The following ATP7B variants were observed in gnomAD, a reference collection of about 807,000 sequenced individuals.
The protein encoded by ATP7B is ATPase copper transporting beta.
Under a neutral mutation model 118.9 loss-of-function variants are expected in ATP7B, and 113 were observed. The ratio of observed to expected loss-of-function variants is 0.95; its 90% CI spans 0.82 to 1.11. ATP7B has a LOEUF of 1.11. Ranked by LOEUF, ATP7B falls within the 50% of genes most tolerant of loss-of-function variation. ATP7B has a pLI of 0.00. For missense variants in ATP7B, 1,867 were observed against 1,871.4 expected, an observed-to-expected ratio of 1.00 and a Z score of 0.04; for synonymous variants, 777 against 727.4, an observed-to-expected ratio of 1.07 and a Z score of -1.10.
At chr13:51,956,758 A>C (rs900103957) in intron 9 of ATP7B, among the ~76,000 whole-genome samples, 1 of 152,232 alleles carries the variant, frequency 6.6e-6, no homozygotes, top group African/African-American at 2.4e-5. Flanking sequence ...TATAAAAAAG[A>C]AGCTAACCCC....
intron 1 of ATP7B, among the ~76,000 whole-genome samples, chr13:52,009,486 T>C (rs556881129): frequency 2.0e-5 from 3 of 152,222 alleles, no homozygotes; most frequent in Admixed American, 1.3e-4. Flanking sequence ...AACCATAACC[T>C]GTTTTTGGCC....
In ATP7B at chr13:51,964,795, A is replaced by G. The variant is rs1958978092; in HGVS notation, c.1869+77T>C. Reference sequence around the variant, plus strand: ...GTTATTTTCATTTTTTCTTAGCTATATTTTCTCATTTTTCTTCACTGATTA... The same window carrying G: ...GTTATTTTCATTTTTTCTTAGCTATGTTTTCTCATTTTTCTTCACTGATTA... On this transcript the variant is annotated intron_variant, in intron 5 of 20. Coordinates refer to ENST00000242839, the MANE Select transcript of ATP7B (RefSeq NM_000053.4). 6 of 1,522,700 alleles carry G rather than the reference A, an allele frequency of 3.9e-6. No individual in the cohort carries two copies. In the South Asian group the frequency reaches 7.0e-5, roughly 18 times the overall value. The allele number at this position is 1,522,700 out of a possible 1,614,324, so 94.3% of individuals were successfully genotyped here.
At chr13:51,971,046 A>G (rs926992906) in intron 2 of ATP7B, among the ~76,000 whole-genome samples, 2 of 152,186 alleles carry the variant, frequency 1.3e-5, no homozygotes, top group Non-Finnish European at 2.9e-5. Flanking sequence ...ACTTCACCTT[A>G]TCTTTCATTT....
chr13:51,993,932 G>C (rs1165846225), intron 1 of ATP7B, among the ~76,000 whole-genome samples: 1 of 152,090 alleles, frequency 6.6e-6, no homozygotes, highest in Non-Finnish European at 1.5e-5. Context: ...GGCTCCCCTA[G>C]TCAGCTTCAG....
intron 5 of ATP7B, among the ~76,000 whole-genome samples, chr13:51,962,901 G>A (rs1297725005): frequency 6.6e-6 from 1 of 152,080 alleles, no homozygotes; most frequent in Non-Finnish European, 1.5e-5. Context: ...AGACCAGCCT[G>A]ACAAACATGG....
intron 12 of ATP7B, among the ~76,000 whole-genome samples, chr13:51,947,062 C>T (rs1312493238): frequency 6.6e-6 from 1 of 152,040 alleles, no homozygotes; most frequent in Non-Finnish European, 1.5e-5. Context: ...ATGGAAACAA[C>T]CAATACGGAA....
chr13:51,960,151 G>A lies in ATP7B; in HGVS notation c.2118C>T (p.Val706=). ...CTGCCCACTTTCTCATATATACCTG[G>A]ACAAAGGTACACAAGATAAAGAAGA... ...NLIFFILCTF[V]QLLGGWYFYV... Residue 706 remains valine (V), a synonymous_variant, in exon 7 of 21, where the codon GTC becomes GTT. Coordinates refer to ENST00000242839, the MANE Select transcript of ATP7B (RefSeq NM_000053.4). 1.2e-6 allele frequency: 2 copies of A among 1,613,704 alleles called. No individual in the cohort carries two copies. The highest frequency in any genetic ancestry group is 1.7e-6 in the Non-Finnish European group (2 of 1,179,612).
chr13:52,007,599 G>A (rs1469530073), intron 1 of ATP7B, among the ~76,000 whole-genome samples: 1 of 152,132 alleles, frequency 6.6e-6, no homozygotes. Context: ...GACACTAACT[G>A]GGTGCCCTAC....
chr13:51,975,697 G>T (rs752114661), intron 1 of ATP7B: 1 of 438,584 alleles, frequency 2.3e-6, no homozygotes, highest in Non-Finnish European at 4.6e-6. Context: ...CTTAGCAGAG[G>T]TTAAATGTGC....
intron 13 of ATP7B, 135 bp downstream of exon 13, chr13:51,946,149 G>C (rs989579207): frequency 8.1e-7 from 1 of 1,227,122 alleles, no homozygotes; most frequent in African/African-American, 1.5e-5. Context: ...GTTATTCCCA[G>C]TTATACTTGA....
intron 1 of ATP7B, among the ~76,000 whole-genome samples, chr13:51,983,963 C>T (rs541803335): frequency 1.1e-4 from 16 of 152,146 alleles, no homozygotes; most frequent in African/African-American, 3.1e-4. Flanking sequence ...GAGAAACCAG[C>T]GCAACAAGCC....
chr13:51,949,206 A>G (rs1179338936), intron 12 of ATP7B, among the ~76,000 whole-genome samples: 1 of 152,164 alleles, frequency 6.6e-6, no homozygotes, highest in Non-Finnish European at 1.5e-5. Context: ...AAACAAACAA[A>G]CATAAAAAGC....
rs943203137 is a variant in ATP7B at position 51,966,696 on chromosome 13, T to C, written c.1708-1663A>G. On this transcript the variant is annotated intron_variant, in intron 4 of 20. Transcript: ENST00000242839. ...ACACTACAGACACAGCATGCTGCCA[T>C]GCCGACGTAGACCCTGCTCTGCACG... 18 of 1,489,642 alleles carry C rather than the reference T, an allele frequency of 1.2e-5. No individual in the cohort carries two copies. In the African/African-American group the frequency reaches 2.1e-4, roughly 17 times the overall value. The allele number at this position is 1,489,642 out of a possible 1,614,324, so 92.3% of individuals were successfully genotyped here. A position where few individuals can be genotyped will look rare whatever the true frequency, so the allele number is the denominator to read the frequency against.
chr13:51,955,641 A>G (rs546144578), intron 9 of ATP7B, among the ~76,000 whole-genome samples: 1 of 152,340 alleles, frequency 6.6e-6, no homozygotes, highest in African/African-American at 2.4e-5. Flanking sequence ...CAGTGCCATC[A>G]GAGGCGCCTC....
intron 1 of ATP7B, chr13:51,975,662 T>C (rs1022931829): frequency 1.8e-5 from 8 of 456,584 alleles, no homozygotes; most frequent in Non-Finnish European, 3.5e-5. Context: ...TCTATATCTC[T>C]TTCTAGGGGT....
At position 51,968,611 on chromosome 13, in the gene ATP7B, G is replaced by A. The variant is rs760084115; in HGVS notation, c.1544-4C>T. ...GCAACCAACACGGAGAGAACACCTG[G>A]AACCATCAGGTCATGGCTGTAACAC... On this transcript the variant is annotated splice_polypyrimidine_tract_variant and splice_region_variant and intron_variant, in intron 3 of 20. Coordinates refer to ENST00000242839, the MANE Select transcript of ATP7B (RefSeq NM_000053.4). 5 of 1,613,842 alleles carry A rather than the reference G, an allele frequency of 3.1e-6. No homozygotes were observed. The highest frequency in any genetic ancestry group is 3.4e-6 in the Non-Finnish European group (4 of 1,180,004).
At chr13:52,011,873 C>G (rs1954049696), upstream of ATP7B, 1 of 273,428 alleles carries the variant, frequency 3.7e-6, no homozygotes, top group African/African-American at 2.3e-5. Context: ...GACTCAGCTC[C>G]CAGGGCTCAC....
At chr13:51,960,739 T>C (rs1224082247) in intron 6 of ATP7B, among the ~76,000 whole-genome samples, 1 of 152,234 alleles carries the variant, frequency 6.6e-6, no homozygotes, top group Non-Finnish European at 1.5e-5. Flanking sequence ...AGTATTTTAT[T>C]AGTATAAACT....
intron 1 of ATP7B, among the ~76,000 whole-genome samples, chr13:52,002,910 C>G (rs1376076200): frequency 6.6e-6 from 1 of 152,218 alleles, no homozygotes; most frequent in African/African-American, 2.4e-5. Flanking sequence ...TAACAATCAT[C>G]TGAGCTGTCA....
Sources: allele counts gnomAD v4.1 joint callset (sites outside exome capture counted in the v4.1 genomes callset), GRCh38; gene constraint gnomAD v4.1.1; transcripts MANE v1.5; gene names NCBI Gene and HGNC (gene_info 2026-07-23, HGNC 2026-07-21).